The following CDH13 variants were observed in gnomAD, a reference collection of about 807,000 sequenced individuals.
CDH13 encodes the protein cadherin 13, also known as cadherin-13.
A neutral mutation model predicts 63.8 loss-of-function variants in CDH13; 24 were observed. The observed-to-expected ratio is 0.38, with a 90% confidence interval of 0.27 to 0.53. The LOEUF (loss-of-function observed/expected upper bound fraction) is 0.53. Among genes scored for constraint, CDH13 ranks in the 20% least tolerant of loss-of-function variants. The pLI is 0.85. For missense variants in CDH13, 1,049 were observed against 903.1 expected, an observed-to-expected ratio of 1.16 and a Z score of -2.07; for synonymous variants, 503 against 355.3, an observed-to-expected ratio of 1.42 and a Z score of -4.67.
At chr16:83,257,907 T>C (rs1906489565) in intron 5 of CDH13, among the ~76,000 whole-genome samples, 1 of 152,230 alleles carries the variant, frequency 6.6e-6, no homozygotes, top group South Asian at 2.1e-4. Context: ...CAGTCCTTTT[T>C]CTCTAATACC....
intron 2 of CDH13, among the ~76,000 whole-genome samples, chr16:82,899,879 C>T (rs951656238): frequency 6.6e-6 from 1 of 152,160 alleles, no homozygotes; most frequent in East Asian, 1.9e-4. Flanking sequence ...CCATGATTTC[C>T]TGGCCCCTGG....
intron 2 of CDH13, among the ~76,000 whole-genome samples, chr16:83,013,894 C>G (rs1285261958): frequency 6.6e-6 from 1 of 152,088 alleles, no homozygotes; most frequent in East Asian, 1.9e-4. Flanking sequence ...CCTGAGTTTC[C>G]TGTTGGAAAT....
At chr16:83,467,765 G>T (rs1284174079) in intron 6 of CDH13, among the ~76,000 whole-genome samples, 1 of 152,084 alleles carries the variant, frequency 6.6e-6, no homozygotes, top group Non-Finnish European at 1.5e-5. Flanking sequence ...CCACACACCG[G>T]CTGTGTAACC....
chr16:82,712,683 G>A (rs2151008860), intron 1 of CDH13, among the ~76,000 whole-genome samples: 1 of 152,152 alleles, frequency 6.6e-6, no homozygotes, highest in Non-Finnish European at 1.5e-5. Flanking sequence ...TTTTCGTCAG[G>A]CCCCCTGAAG....
intron 5 of CDH13, among the ~76,000 whole-genome samples, chr16:83,290,964 T>G (rs1247021378): frequency 6.6e-6 from 1 of 152,174 alleles, no homozygotes; most frequent in East Asian, 1.9e-4. Context: ...GGAGCCTCCT[T>G]CCACTTCGCC....
chr16:82,649,671 G>C (rs1319466867), intron 1 of CDH13, among the ~76,000 whole-genome samples: 2 of 152,114 alleles, frequency 1.3e-5, no homozygotes, highest in African/African-American at 4.8e-5. Context: ...CAATAGGAAG[G>C]AGAGGGGATG....
intron 2 of CDH13, among the ~76,000 whole-genome samples, chr16:82,961,948 C>T (rs190406488): frequency 3.4e-4 from 52 of 152,230 alleles, no homozygotes; most frequent in Non-Finnish European, 5.9e-4. Context: ...TCGATAGTGC[C>T]AAGGTGGAGA....
chr16:82,847,912 A>G (rs11640358), intron 1 of CDH13, among the ~76,000 whole-genome samples: 53,063 of 115,984 alleles, frequency 0.46, 10,316 homozygotes, highest in East Asian at 0.82. Context: ...TTTTTTTTGT[A>G]CTTCACAGAT....
chr16:83,026,921 G>A (rs1915861079), intron 2 of CDH13, among the ~76,000 whole-genome samples: 1 of 152,152 alleles, frequency 6.6e-6, no homozygotes, highest in Non-Finnish European at 1.5e-5. Flanking sequence ...AAGCAGAGCG[G>A]CTGAGTGCCA....
rs115291994 is a variant in CDH13 at position 83,603,590 on chromosome 16, A to G, written c.1101+996A>G. Among the ~76,000 whole-genome samples the G allele has an allele frequency of 3.7e-3, 564 of 152,266 alleles. 7 individuals carry two copies. Among genetic ancestry groups the G allele is most frequent in the African/African-American group, 0.013 (526 of 41,542 alleles). ...GCTGTGCTTTCCTCATCTGCCATCA[A>G]TGCTTCCAACCTCCAGGGTGTTTGG... On this transcript the variant is annotated intron_variant, in intron 8 of 13. Transcript: ENST00000567109.
chr16:82,778,622 G>A (rs144939410), intron 1 of CDH13, among the ~76,000 whole-genome samples: 6 of 141,850 alleles, frequency 4.2e-5, no homozygotes, highest in African/African-American at 1.6e-4. Flanking sequence ...TCACTACACA[G>A]CATTTATTAG....
At chr16:83,372,825 A>C (rs1326493122) in intron 6 of CDH13, among the ~76,000 whole-genome samples, 1 of 151,826 alleles carries the variant, frequency 6.6e-6, no homozygotes, top group Non-Finnish European at 1.5e-5. Flanking sequence ...TTCTGTGGGG[A>C]AACTTGCAAG....
chr16:83,646,083 C>T lies in CDH13; in HGVS notation c.1102-24707C>T, dbSNP rs563259722. Among the ~76,000 whole-genome samples, 126 of 152,232 alleles carry T rather than the reference C, an allele frequency of 8.3e-4. 1 individual carries two copies. The highest frequency in any genetic ancestry group is 2.9e-3 in the African/African-American group (119 of 41,536). ...GCAGTGTCTGTGTAGAGTACTGATG[C>T]TCTCCCACTGGGCCCTAGTGTGGGA... On this transcript the variant is annotated intron_variant, in intron 8 of 13. Coordinates refer to ENST00000567109, the MANE Select transcript of CDH13 (RefSeq NM_001257.5).
At chr16:83,107,529 C>T (rs1432565839) in intron 3 of CDH13, among the ~76,000 whole-genome samples, 1 of 152,140 alleles carries the variant, frequency 6.6e-6, no homozygotes, top group African/African-American at 2.4e-5. Flanking sequence ...CACTGGACAC[C>T]AGAGGAAGTA....
chr16:83,010,423 T>C (rs1326848038), intron 2 of CDH13, among the ~76,000 whole-genome samples: 3 of 152,146 alleles, frequency 2.0e-5, no homozygotes, highest in Non-Finnish European at 4.4e-5. Flanking sequence ...TAGGGTTTTT[T>C]TGGCCCCTTT....
intron 3 of CDH13, among the ~76,000 whole-genome samples, chr16:83,059,615 C>G (rs748326000): frequency 6.6e-6 from 1 of 152,026 alleles, no homozygotes; most frequent in Non-Finnish European, 1.5e-5. Context: ...TGGGTAGAGC[C>G]AGGCTGTTGC....
chr16:83,492,263 A>C lies in CDH13; in HGVS notation c.960+5608A>C, dbSNP rs75445474. On this transcript the variant is annotated intron_variant, in intron 7 of 13. Transcript: ENST00000567109. Reference sequence around the variant, plus strand: ...TCAATGAAAGATAGAGGTAGTAGTCATACTCTTAGGAAAATAAATGTTTTT... The same window carrying C: ...TCAATGAAAGATAGAGGTAGTAGTCCTACTCTTAGGAAAATAAATGTTTTT... Among the ~76,000 whole-genome samples, 1,314 of 152,342 alleles carry C rather than the reference A, an allele frequency of 8.6e-3. 13 individuals carry two copies. Among genetic ancestry groups the C allele is most frequent in the Non-Finnish European group, 0.013 (886 of 68,030 alleles).
chr16:82,721,629 C>T (rs1230151655), intron 1 of CDH13, among the ~76,000 whole-genome samples: 1 of 152,086 alleles, frequency 6.6e-6, no homozygotes, highest in African/African-American at 2.4e-5. Context: ...AAAGATGAAC[C>T]ATAGGAATGA....
chr16:83,027,991 T>G (rs1258328163), intron 2 of CDH13, among the ~76,000 whole-genome samples: 1 of 152,124 alleles, frequency 6.6e-6, no homozygotes, highest in East Asian at 1.9e-4. Context: ...TCAGTAAATA[T>G]TTATGGTAGG....
Sources: allele counts gnomAD v4.1 joint callset (sites outside exome capture counted in the v4.1 genomes callset), GRCh38; gene constraint gnomAD v4.1.1; transcripts MANE v1.5; gene names NCBI Gene and HGNC (gene_info 2026-07-23, HGNC 2026-07-21).